The following HOXB3 variants were observed in gnomAD, a reference collection of about 807,000 sequenced individuals.
HOXB3 encodes homeobox protein Hox-B3.
A neutral mutation model predicts 29.2 loss-of-function variants in HOXB3; 17 were observed. The observed-to-expected ratio is 0.58, with a 90% CI of 0.40 to 0.87. The LOEUF (loss-of-function observed/expected upper bound fraction) is 0.87, where lower values mean the gene tolerates loss of function less well. HOXB3 is among the 40% of genes least tolerant of loss of function. HOXB3 has a pLI of 0.00. For synonymous variants in HOXB3, 317 were observed against 285.9 expected (o/e 1.11, Z -1.10); for missense variants, 637 against 616.3 (o/e 1.03, Z -0.35).
intron 1 of HOXB3, among the ~76,000 whole-genome samples, chr17:48,584,926 A>ACCCCGC (rs2070017979): frequency 1.3e-5 from 1 of 78,900 alleles, no homozygotes; most frequent in Admixed American, 1.1e-4. Flanking sequence ...CCACCGCCCC[A>ACCCCGC]CCCCGCCCCC....
chr17:48,578,163 C>T lies in HOXB3; in HGVS notation c.-424-4149G>A, dbSNP rs200945027. On this transcript the variant is annotated intron_variant, in intron 1 of 4. Transcript: ENST00000498678. ...GTGCACGCCGCGCGCCGCCCGAAGC[C>T]CGCCTCCGGCTGGAAGCTGCTCTCT... 1.9e-6 allele frequency: 3 copies of T among 1,605,686 alleles called. No individual in the cohort carries two copies. The East Asian group carries it at 6.7e-5, about 36-fold the overall frequency.
At chr17:48,575,089 C>T (rs979692922) in intron 1 of HOXB3, 7 of 152,216 alleles carry the variant, frequency 4.6e-5, no homozygotes, top group Admixed American at 1.3e-4. Context: ...AATCCTCTCT[C>T]GGAACTTTAA....
At chr17:48,576,942 T>C in intron 1 of HOXB3, 1 of 1,614,234 alleles carries the variant, frequency 6.2e-7, no homozygotes. Context: ...GTGAAATTCC[T>C]TCTCCAGCTC....
chr17:48,555,341 A>AGGGGAGAGAGAGAGG, intron 3 of HOXB3, 190 bp downstream of exon 3: 4 of 438,168 alleles, frequency 9.1e-6, no homozygotes, highest in Non-Finnish European at 1.6e-5. Flanking sequence ...AGAGGGAGAG[A>AGGGGAGAGAGAGAGG]GAGAGAGAGA....
At position 48,555,605 on chromosome 17, in the gene HOXB3, ACAAATCTCCCC is replaced by A; in HGVS notation, c.-244_-234del. The A allele has an allele frequency of 1.4e-6, 1 of 702,746 alleles. No individual in the cohort carries two copies. 43.5% of individuals were successfully genotyped at this position (702,746 alleles called of 1,614,324 possible). On this transcript the variant is annotated splice_region_variant and 5_prime_UTR_variant, in exon 3 of 5. An upstream open reading frame in the 5' UTR gains an earlier in-frame stop. Transcript: ENST00000498678. The stretch of plus-strand genomic sequence containing the variant: ...CGAGCCCCAGAGCGAGCGGCAGGCG[ACAAATCTCCCC>A]TCCTTGAAGGCAAAGGAAAAAAAGA...
chr17:48,558,165 T>C (rs977999901), intron 2 of HOXB3, among the ~76,000 whole-genome samples: 4 of 152,194 alleles, frequency 2.6e-5, no homozygotes, highest in African/African-American at 9.7e-5. Context: ...CTTTTGGGAC[T>C]GCGCAGCTTT....
chr17:48,587,399 G>A lies in HOXB3; in HGVS notation c.-425+2726C>T, dbSNP rs942997825. The stretch of plus-strand genomic sequence containing the variant: ...CAGTATCCCCTCCCTTAAAAGAGGG[G>A]AGCTCATTCTTGCTAGCCCTGTCTT... On this transcript the variant is annotated intron_variant, in intron 1 of 4. Coordinates refer to ENST00000498678, the MANE Select transcript of HOXB3 (RefSeq NM_001384749.1). Among the ~76,000 whole-genome samples, 5 of 152,150 alleles carry A rather than the reference G, an allele frequency of 3.3e-5. No homozygotes were observed. The East Asian group carries it at 7.7e-4, about 23-fold the overall frequency.
chr17:48,586,292 G>T (rs1395136325), intron 1 of HOXB3, among the ~76,000 whole-genome samples: 3 of 152,202 alleles, frequency 2.0e-5, no homozygotes, highest in African/African-American at 7.2e-5. Context: ...GATCCGACAG[G>T]TTCCCGAATT....
At chr17:48,563,598 C>G (rs779890941) in intron 2 of HOXB3, among the ~76,000 whole-genome samples, 5 of 152,226 alleles carry the variant, frequency 3.3e-5, no homozygotes, top group African/African-American at 4.8e-5. Flanking sequence ...GTGCGTCAGG[C>G]TGGCATCGCT....
rs2068634367 is a variant in HOXB3 at position 48,549,495 on chromosome 17, G to A, written c.*839C>T. The A allele has an allele frequency of 6.6e-6, 1 of 152,644 alleles. No individual in the cohort carries two copies. The highest frequency in any genetic ancestry group is 2.4e-5 in the African/African-American group (1 of 41,428). 9.5% of individuals were successfully genotyped at this position (152,644 alleles called of 1,614,324 possible). On this transcript the variant is annotated 3_prime_UTR_variant, in exon 5 of 5. Coordinates refer to ENST00000498678, the MANE Select transcript of HOXB3 (RefSeq NM_001384749.1). ...CCTGTTTTCACGTTAAGTCAAGAGAGCAACAGAAGAAAAGTATAGAACCTC... is the reference window on the plus strand; with the variant it reads ...CCTGTTTTCACGTTAAGTCAAGAGAACAACAGAAGAAAAGTATAGAACCTC...
At chr17:48,569,539 C>T (rs1412201903) in intron 2 of HOXB3, among the ~76,000 whole-genome samples, 1 of 152,110 alleles carries the variant, frequency 6.6e-6, no homozygotes, top group East Asian at 1.9e-4. Flanking sequence ...TTCTCCAAGC[C>T]CCTGGATTTC....
At chr17:48,569,238 G>T (rs917936805) in intron 2 of HOXB3, among the ~76,000 whole-genome samples, 1 of 151,982 alleles carries the variant, frequency 6.6e-6, no homozygotes, top group African/African-American at 2.4e-5. Flanking sequence ...GGGGTCTTTC[G>T]ATTTCAGGCT....
intron 3 of HOXB3, chr17:48,555,323 G>GGAGA (rs1459851484): frequency 1.8e-6 from 1 of 558,792 alleles, no homozygotes; most frequent in East Asian, 3.1e-5. Flanking sequence ...AAGAGAGAGG[G>GGAGA]GAGAGAGAGA....
chr17:48,563,399 C>G (rs937825958), intron 2 of HOXB3, among the ~76,000 whole-genome samples: 1 of 152,236 alleles, frequency 6.6e-6, no homozygotes, highest in Non-Finnish European at 1.5e-5. Flanking sequence ...CAAAGTGATT[C>G]TGCAAACCCA....
chr17:48,563,437 C>G (rs1247014666), intron 2 of HOXB3, among the ~76,000 whole-genome samples: 6 of 152,208 alleles, frequency 3.9e-5, no homozygotes, highest in Non-Finnish European at 8.8e-5. Flanking sequence ...GGAGTACATA[C>G]AGCTCCCGAT....
chr17:48,550,275 C>A lies in HOXB3; in HGVS notation c.*59G>T. The A allele has an allele frequency of 2.5e-6, 4 of 1,607,236 alleles. No individual in the cohort carries two copies. Among genetic ancestry groups the A allele is most frequent in the Admixed American group, 1.7e-5 (1 of 59,688 alleles). ...CTTTTCAGACCTCCAGGTTGCCCCC[C>A]AGAGCTCCACAGTCTCTCTCTTCCT... is the stretch of plus-strand genomic sequence containing the variant. On this transcript the variant is annotated 3_prime_UTR_variant, in exon 5 of 5. Transcript: ENST00000498678.
intron 1 of HOXB3, chr17:48,576,719 G>T (rs537257453): frequency 1.9e-6 from 3 of 1,599,482 alleles, no homozygotes; most frequent in African/African-American, 1.3e-5. Context: ...GCGTGCGGGG[G>T]CACTAGAGCG....
At chr17:48,586,074 G>A (rs879862996) in intron 1 of HOXB3, among the ~76,000 whole-genome samples, 2 of 152,262 alleles carry the variant, frequency 1.3e-5, no homozygotes, top group African/African-American at 2.4e-5. Flanking sequence ...GATCCACTAG[G>A]GGAGAGGCAG....
At position 48,551,083 on chromosome 17, in the gene HOXB3, G is replaced by C. The variant is rs775026125; in HGVS notation, c.547C>G (p.Pro183Ala). ...GGGGGGDKSPPGSAASKRART... is the reference protein window; with the variant it reads ...GGGGGGDKSPAGSAASKRART... ...GCCCGCTTGGACGCCGCCGACCCCG[G>C]GGGGCTCTTGTCCCCTCCCCCGCCG... The change falls in exon 5 of 5, where the codon CCG becomes GCG. Residue 183 changes from proline to alanine, a missense_variant. Coordinates refer to ENST00000498678, the MANE Select transcript of HOXB3 (RefSeq NM_001384749.1). 6.6e-7 allele frequency: 1 copy of C among 1,510,028 alleles called. No homozygotes were observed. The highest frequency in any genetic ancestry group is 2.0e-5 in the Admixed American group (1 of 50,574). The allele number at this position is 1,510,028 out of a possible 1,614,324, so 93.5% of individuals were successfully genotyped here. A position where few individuals can be genotyped will look rare whatever the true frequency, so the allele number is the denominator to read the frequency against.
Sources: gnomAD v4.1 joint callset for allele counts (sites outside exome capture counted in the v4.1 genomes callset) on GRCh38, gnomAD v4.1.1 for gene constraint, MANE v1.5 for transcripts, NCBI Gene and HGNC (gene_info 2026-07-23, HGNC 2026-07-21) for gene names.